The following ZNF536 variants were observed in gnomAD, a reference collection of about 807,000 sequenced individuals.
The protein encoded by ZNF536 is zinc finger protein 536.
A neutral mutation model predicts 84.5 loss-of-function variants in ZNF536; 13 were observed. That is an observed-to-expected ratio of 0.15 (90% CI 0.10 to 0.24). ZNF536 has a LOEUF of 0.24. Among genes scored for constraint, ZNF536 ranks in the 10% least tolerant of loss-of-function variants. The pLI, the probability that ZNF536 is intolerant of heterozygous loss-of-function variation, is 1.00. For missense variants in ZNF536, 1,536 were observed against 1,747.5 expected (o/e 0.88, Z 2.16); for synonymous variants, 811 against 742.5 (o/e 1.09, Z -1.50).
At chr19:30,450,168 A>G (rs981265830) in intron 2 of ZNF536, among the ~76,000 whole-genome samples, 3 of 151,626 alleles carry the variant, frequency 2.0e-5, no homozygotes, top group Non-Finnish European at 4.4e-5. Context: ...TGATGAACAC[A>G]ATTTTCCAGT....
Position 30,634,259 on chromosome 19 carries a change from A to G in ZNF536, c.170-76498A>G, listed in dbSNP as rs2048987433. On this transcript the variant is annotated intron_variant, in intron 1 of 1. Coordinates refer to the ZNF536 transcript ENST00000592773. ...AGTTAGCAGGATAAGTTTGACAGTA[A>G]TTTAATTTTCATTGACAAATGCTGT... Among the ~76,000 whole-genome samples the G allele has an allele frequency of 2.0e-5, 3 of 152,182 alleles. No individual in the cohort carries two copies. The South Asian group carries it at 6.2e-4, about 32-fold the overall frequency.
At chr19:30,535,780 G>A (rs1306619294) in intron 3 of ZNF536, among the ~76,000 whole-genome samples, 1 of 151,948 alleles carries the variant, frequency 6.6e-6, no homozygotes, top group Non-Finnish European at 1.5e-5. Flanking sequence ...TTTTCCTCCT[G>A]ACACTTTATC....
chr19:30,623,692 C>T (rs987944141), intron 1 of ZNF536, among the ~76,000 whole-genome samples: 3 of 152,238 alleles, frequency 2.0e-5, no homozygotes, highest in Non-Finnish European at 2.9e-5. Flanking sequence ...CCTGAGTCCT[C>T]CTATTTAAGA....
chr19:30,366,582 GTCTATCTATCTATCTATCTATCTATCTA>G (rs72156657), intron 3 of ZNF536, among the ~76,000 whole-genome samples: 1 of 148,030 alleles, frequency 6.8e-6, no homozygotes, highest in African/African-American at 2.5e-5. Flanking sequence ...TCTATCATTT[GTCTATCTATCTATCTATCTATCTATCTA>G]TCTATCTATC....
chr19:30,470,292 T>TG (rs2053579215), intron 2 of ZNF536, among the ~76,000 whole-genome samples: 1 of 152,144 alleles, frequency 6.6e-6, no homozygotes, highest in Non-Finnish European at 1.5e-5. Flanking sequence ...GTCCAAATCT[T>TG]CTTATACTCC....
chr19:30,475,397 G>A (rs1441409202), intron 2 of ZNF536, among the ~76,000 whole-genome samples: 1 of 152,152 alleles, frequency 6.6e-6, no homozygotes, highest in Non-Finnish European at 1.5e-5. Context: ...GAGACCAGGA[G>A]TTCAAGAACA....
intron 2 of ZNF536, among the ~76,000 whole-genome samples, chr19:30,326,110 A>C (rs951777706): frequency 1.3e-5 from 2 of 152,246 alleles, no homozygotes; most frequent in African/African-American, 4.8e-5. Context: ...AAAAAGATTT[A>C]ATAGTGCTGG....
At chr19:30,246,363 A>C (rs1215400247) in intron 1 of ZNF536, among the ~76,000 whole-genome samples, 1 of 152,204 alleles carries the variant, frequency 6.6e-6, no homozygotes, top group East Asian at 1.9e-4. Flanking sequence ...TCAGAGAGGG[A>C]AAGAAGTCTC....
At chr19:30,468,766 C>T (rs1480629962) in intron 2 of ZNF536, among the ~76,000 whole-genome samples, 2 of 152,078 alleles carry the variant, frequency 1.3e-5, no homozygotes, top group Non-Finnish European at 2.9e-5. Flanking sequence ...AGGGCCTGGG[C>T]ACCGATGCCC....
At chr19:30,229,281 A>T (rs73019701) in intron 1 of ZNF536, among the ~76,000 whole-genome samples, 1 of 151,954 alleles carries the variant, frequency 6.6e-6, no homozygotes, top group South Asian at 2.1e-4. Context: ...TGCTAAAGAC[A>T]GGGTCACCGA....
intron 2 of ZNF536, among the ~76,000 whole-genome samples, chr19:30,327,835 T>C (rs933759341): frequency 6.6e-6 from 1 of 152,216 alleles, no homozygotes; most frequent in African/African-American, 2.4e-5. Flanking sequence ...TTGGGCAATG[T>C]CTTTGTCCTC....
intron 4 of ZNF536, among the ~76,000 whole-genome samples, chr19:30,553,404 G>A (rs113043887): frequency 0.042 from 6,428 of 152,284 alleles, 190 homozygotes; most frequent in South Asian, 0.11. Context: ...CTGGGAGTTT[G>A]TGGATTTGGA....
intron 2 of ZNF536, among the ~76,000 whole-genome samples, chr19:30,327,549 T>C (rs1160436461): frequency 2.0e-5 from 3 of 152,220 alleles, no homozygotes; most frequent in Non-Finnish European, 1.5e-5. Flanking sequence ...GTGACAAAAG[T>C]CACATGACAT....
chr19:30,235,512 C>CTA (rs1302490460), intron 1 of ZNF536, among the ~76,000 whole-genome samples: 1 of 152,150 alleles, frequency 6.6e-6, no homozygotes, highest in Non-Finnish European at 1.5e-5. Context: ...TAACAAGTAA[C>CTA]TATAGAGACA....
At chr19:30,417,834 A>T (rs1158281211) in intron 1 of ZNF536, among the ~76,000 whole-genome samples, 2 of 152,130 alleles carry the variant, frequency 1.3e-5, no homozygotes, top group African/African-American at 4.8e-5. Flanking sequence ...ATCATTGCTC[A>T]CTGCAGCCTT....
At chr19:30,242,179 T>A (rs1275339746) in intron 1 of ZNF536, among the ~76,000 whole-genome samples, 1 of 152,060 alleles carries the variant, frequency 6.6e-6, no homozygotes. Context: ...CCTCTTGCCC[T>A]CCTTCTATTC....
intron 1 of ZNF536, among the ~76,000 whole-genome samples, chr19:30,705,387 AAACT>A (rs1331318264): frequency 6.6e-6 from 1 of 152,148 alleles, no homozygotes; most frequent in East Asian, 1.9e-4. Flanking sequence ...AATTGTGTAT[AAACT>A]AACACATTAT....
intron 2 of ZNF536, among the ~76,000 whole-genome samples, chr19:30,446,248 C>CAAAAAAAAAAAAAAAAAAAAAAAA (rs1177505634): frequency 6.9e-4 from 20 of 29,168 alleles, no homozygotes; most frequent in Middle Eastern, 0.062. Flanking sequence ...GACACTGTCT[C>CAAAAAAAAAAAAAAAAAAAAAAAA]AAAAAAAAAA....
chr19:30,690,126 C>T (rs758338366), intron 1 of ZNF536, among the ~76,000 whole-genome samples: 8 of 152,152 alleles, frequency 5.3e-5, no homozygotes, highest in Non-Finnish European at 1.2e-4. Context: ...GAGGCCTCTC[C>T]AATCATCAAA....
Sources: allele counts gnomAD v4.1 joint callset (sites outside exome capture counted in the v4.1 genomes callset), GRCh38; gene constraint gnomAD v4.1.1; transcripts MANE v1.5; gene names NCBI Gene and HGNC (gene_info 2026-07-23, HGNC 2026-07-21).